Variants in PTPRA observed in about 807,000 individuals in gnomAD.
PTPRA encodes the protein protein tyrosine phosphatase receptor type A.
In PTPRA, 25 loss-of-function variants were observed where a neutral mutation model predicts 104.8. The ratio of observed to expected loss-of-function variants is 0.24; its 90% CI spans 0.17 to 0.33. The LOEUF (loss-of-function observed/expected upper bound fraction) is 0.33. Among genes scored for constraint, PTPRA ranks in the 10% least tolerant of loss-of-function variants. PTPRA has a pLI of 1.00. For missense variants in PTPRA, 765 were observed against 1,015.3 expected (o/e 0.75, Z 3.35); for synonymous variants, 323 against 368.9 (o/e 0.88, Z 1.43).
At chr20:2,927,721 T>C (rs1180215988) in intron 2 of PTPRA, among the ~76,000 whole-genome samples, 1 of 152,058 alleles carries the variant, frequency 6.6e-6, no homozygotes, top group Non-Finnish European at 1.5e-5. Context: ...TAAATCTTAC[T>C]AGAGGCTAGG....
At chr20:2,890,536 C>A (rs1041394933) in intron 1 of PTPRA, among the ~76,000 whole-genome samples, 10 of 152,196 alleles carry the variant, frequency 6.6e-5, no homozygotes, top group Non-Finnish European at 1.5e-4. Context: ...GATCTTGATT[C>A]TCTGTCTTCC....
chr20:3,000,161 G>A (rs557614335), intron 9 of PTPRA, among the ~76,000 whole-genome samples: 18 of 152,158 alleles, frequency 1.2e-4, no homozygotes, highest in East Asian at 1.9e-4. Context: ...GGTGGCGGGC[G>A]CCTGTAATCC....
chr20:2,965,320 G>A, intron 5 of PTPRA, 118 bp downstream of exon 5: 1 of 1,040,362 alleles, frequency 9.6e-7, no homozygotes, highest in Non-Finnish European at 1.4e-6. Context: ...CTCAAGTGAA[G>A]TAATGAAACC....
intron 3 of PTPRA, among the ~76,000 whole-genome samples, chr20:2,963,909 A>G (rs2061851207): frequency 6.6e-6 from 1 of 152,056 alleles, no homozygotes; most frequent in Non-Finnish European, 1.5e-5. Flanking sequence ...GCATCGTAGT[A>G]CATGCCTATA....
intron 9 of PTPRA, among the ~76,000 whole-genome samples, chr20:3,002,631 TGTA>T (rs1409240556): frequency 1.3e-5 from 2 of 152,142 alleles, no homozygotes; most frequent in Non-Finnish European, 2.9e-5. Flanking sequence ...CTGGCCCAAA[TGTA>T]GTAATTCTAA....
At chr20:2,951,531 C>T (rs2061354376) in intron 3 of PTPRA, among the ~76,000 whole-genome samples, 2 of 152,180 alleles carry the variant, frequency 1.3e-5, no homozygotes, top group South Asian at 2.1e-4. Flanking sequence ...ATCCACCTGC[C>T]CTGTTCATTT....
chr20:2,947,698 T>G (rs961361126), intron 2 of PTPRA, among the ~76,000 whole-genome samples: 19 of 152,156 alleles, frequency 1.2e-4, no homozygotes, highest in African/African-American at 3.4e-4. Context: ...CAGGAACTCT[T>G]TGCAAACACT....
intron 3 of PTPRA, among the ~76,000 whole-genome samples, chr20:2,951,716 T>G (rs2061359849): frequency 6.6e-6 from 1 of 152,228 alleles, no homozygotes; most frequent in African/African-American, 2.4e-5. Context: ...TTACTGACCC[T>G]AGCTAGTGCT....
chr20:2,906,082 ATTATGGATATGATGGG>A (rs986181841), intron 1 of PTPRA, among the ~76,000 whole-genome samples: 1 of 152,168 alleles, frequency 6.6e-6, no homozygotes, highest in Admixed American at 6.5e-5. Context: ...ACAAATGTGG[ATTATGGATATGATGGG>A]TTATGGATAT....
chr20:2,942,546 A>C (rs1207964285), intron 2 of PTPRA, among the ~76,000 whole-genome samples: 1 of 151,894 alleles, frequency 6.6e-6, no homozygotes, highest in African/African-American at 2.4e-5. Context: ...AATATAGTTA[A>C]TATATTCTTT....
At chr20:2,998,638 G>C (rs1483059467) in intron 9 of PTPRA, among the ~76,000 whole-genome samples, 1 of 152,146 alleles carries the variant, frequency 6.6e-6, no homozygotes, top group African/African-American at 2.4e-5. Context: ...ACTGTTCCAA[G>C]ACCTACCTTG....
chr20:2,882,376 A>G (rs1183372904), intron 1 of PTPRA, among the ~76,000 whole-genome samples: 2 of 148,940 alleles, frequency 1.3e-5, no homozygotes, highest in Admixed American at 6.7e-5. Context: ...TGCAGCATTG[A>G]CCTCCCAGTC....
At chr20:2,888,133 G>A (rs890270151) in intron 1 of PTPRA, among the ~76,000 whole-genome samples, 17 of 152,198 alleles carry the variant, frequency 1.1e-4, no homozygotes, top group Admixed American at 3.3e-4. Context: ...ACCAGCTGGT[G>A]GAAGACAAAG....
intron 6 of PTPRA, among the ~76,000 whole-genome samples, chr20:2,983,348 A>G (rs1259210648): frequency 6.6e-6 from 1 of 152,080 alleles, no homozygotes; most frequent in Non-Finnish European, 1.5e-5. Flanking sequence ...TAGGGGCTAA[A>G]TCGAGGGGGT....
intron 1 of PTPRA, among the ~76,000 whole-genome samples, chr20:2,893,440 C>G (rs600832): frequency 0.67 from 101,521 of 152,092 alleles, 35,357 homozygotes; most frequent in East Asian, 0.86. Flanking sequence ...ACATTTAAGA[C>G]AGCTGGAGAT....
At chr20:2,906,338 A>G (rs2059427288) in intron 1 of PTPRA, among the ~76,000 whole-genome samples, 1 of 152,180 alleles carries the variant, frequency 6.6e-6, no homozygotes, top group Non-Finnish European at 1.5e-5. Flanking sequence ...GTTTTTACCA[A>G]TCCCAGAAGG....
At chr20:2,994,444 GTCTT>G (rs1345831675) in intron 9 of PTPRA, among the ~76,000 whole-genome samples, 1 of 152,212 alleles carries the variant, frequency 6.6e-6, no homozygotes, top group African/African-American at 2.4e-5. Context: ...GTCTCCAACA[GTCTT>G]TCTAGCCCAC....
At chr20:2,967,518 G>GT (rs917538912) in intron 5 of PTPRA, among the ~76,000 whole-genome samples, 5 of 151,940 alleles carry the variant, frequency 3.3e-5, no homozygotes, top group Middle Eastern at 3.4e-3. Flanking sequence ...TTCTTGTACA[G>GT]TTTTTTTTCT....
chr20:3,038,043 A>G lies in PTPRA; in HGVS notation c.2335-16A>G, dbSNP rs1353965201. ...CTTCAGTAACCCTGACTTTTTCCCT[A>G]CCTTTCACTCTCCAGGAACAGTATG... On this transcript the variant is annotated splice_polypyrimidine_tract_variant and intron_variant, in intron 23 of 23. Transcript: ENST00000399903. 1.3e-6 allele frequency: 2 copies of G among 1,598,182 alleles called. No individual in the cohort carries two copies. Among genetic ancestry groups the G allele is most frequent in the Non-Finnish European group, 8.6e-7 (1 of 1,166,866 alleles).
Sources: gnomAD v4.1 joint callset for allele counts (sites outside exome capture counted in the v4.1 genomes callset) on GRCh38, gnomAD v4.1.1 for gene constraint, MANE v1.5 for transcripts, NCBI Gene and HGNC (gene_info 2026-07-23, HGNC 2026-07-21) for gene names.